DNAH11: variants seen among roughly 807,000 people sequenced by gnomAD.
DNAH11 encodes the protein axonemal beta dynein heavy chain 11.
DNAH11 carries 442 observed loss-of-function variants against 526.0 expected under a neutral mutation model. The ratio of observed to expected loss-of-function variants is 0.84; its 90% CI spans 0.78 to 0.91. The LOEUF is 0.91. DNAH11 is among the 40% of genes least tolerant of loss of function. DNAH11 has a pLI of 0.00. For synonymous variants in DNAH11, 2,461 were observed against 1,935.9 expected (o/e 1.27, Z -7.12); for missense variants, 6,989 against 5,448.7 (o/e 1.28, Z -8.90).
rs1207847336 is a variant in DNAH11 at position 21,854,551 on chromosome 7, C to G, written c.11202+96C>G. On this transcript the variant is annotated intron_variant, in intron 68 of 81. Transcript: ENST00000409508. ...ATTTTATTATTGATAATAATAATAA[C>G]TATTATTACTATTATTGAGACAGAG... is the stretch of plus-strand genomic sequence containing the variant. 5.1e-6 allele frequency: 6 copies of G among 1,184,240 alleles called. No homozygotes were observed. The African/African-American group carries it at 9.5e-5, about 19-fold the overall frequency. 73.4% of individuals were successfully genotyped at this position (1,184,240 alleles called of 1,614,324 possible).
At chr7:21,676,155 T>C (rs114780796) in intron 30 of DNAH11, among the ~76,000 whole-genome samples, 3 of 152,142 alleles carry the variant, frequency 2.0e-5, no homozygotes, top group Non-Finnish European at 4.4e-5. Flanking sequence ...TTACTCTAAG[T>C]TGGGCTTATT....
chr7:21,633,344 A>AAGTCC (rs1332424024), intron 25 of DNAH11, among the ~76,000 whole-genome samples: 1 of 152,208 alleles, frequency 6.6e-6, no homozygotes, highest in Non-Finnish European at 1.5e-5. Context: ...TAAGGTGTTC[A>AAGTCC]AGTCCACTGT....
At chr7:21,684,335 T>A (rs959508177) in intron 32 of DNAH11, among the ~76,000 whole-genome samples, 1 of 152,194 alleles carries the variant, frequency 6.6e-6, no homozygotes, top group Non-Finnish European at 1.5e-5. Context: ...AACATAGCAT[T>A]CATTAAATGA....
chr7:21,623,940 A>G (rs1447810627), intron 25 of DNAH11, among the ~76,000 whole-genome samples: 5 of 151,524 alleles, frequency 3.3e-5, no homozygotes, highest in African/African-American at 9.7e-5. Context: ...CATTGTGCAC[A>G]TGTACCCTAA....
chr7:21,731,697 A>G (rs148484052), intron 45 of DNAH11, among the ~76,000 whole-genome samples: 8 of 152,330 alleles, frequency 5.3e-5, no homozygotes, highest in Non-Finnish European at 8.8e-5. Flanking sequence ...TCAATGGAAT[A>G]TTCCAAAGAT....
At chr7:21,718,876 A>G (rs950724696) in intron 43 of DNAH11, among the ~76,000 whole-genome samples, 8 of 152,232 alleles carry the variant, frequency 5.3e-5, no homozygotes, top group Non-Finnish European at 1.0e-4. Context: ...TAATTCGCAC[A>G]CCAATTAAAT....
In DNAH11 at chr7:21,589,224, G is replaced by C; in HGVS notation, c.1990G>C (p.Asp664His). The C allele has an allele frequency of 6.2e-7, 1 of 1,604,566 alleles. No homozygotes were observed. The highest frequency in any genetic ancestry group is 8.5e-7 in the Non-Finnish European group (1 of 1,177,572). ...TTCCTACAGATTTTTGGGCAATCCTGATCACGCTTTAGTTTATCAAAAGTA... is the reference window on the plus strand; with the variant it reads ...TTCCTACAGATTTTTGGGCAATCCTCATCACGCTTTAGTTTATCAAAAGTA... The part of the protein sequence containing the change: ...SLRYLFLGNP[D>H]HALVYQKYVE... The change falls in exon 12 of 82, where the codon GAT becomes CAT. Residue 664 changes from aspartate to histidine, a missense_variant. Coordinates refer to ENST00000409508, the MANE Select transcript of DNAH11 (RefSeq NM_001277115.2).
At chr7:21,656,174 T>C (rs1244812866) in intron 29 of DNAH11, among the ~76,000 whole-genome samples, 193 bp downstream of exon 29, 2 of 152,182 alleles carry the variant, frequency 1.3e-5, no homozygotes, top group Non-Finnish European at 2.9e-5. Flanking sequence ...TTTCTACTCA[T>C]GTGGCTTTGG....
At chr7:21,802,074 C>T (rs1313316904) in intron 62 of DNAH11, among the ~76,000 whole-genome samples, 3 of 152,074 alleles carry the variant, frequency 2.0e-5, no homozygotes, top group Non-Finnish European at 4.4e-5. Flanking sequence ...ATAACGTTTC[C>T]CTTACAAGGT....
intron 14 of DNAH11, among the ~76,000 whole-genome samples, chr7:21,596,217 G>T (rs1784855409): frequency 6.6e-6 from 1 of 152,160 alleles, no homozygotes; most frequent in Non-Finnish European, 1.5e-5. Context: ...AGGCTGCCAT[G>T]ACAAGGTCCA....
At chr7:21,832,599 C>G (rs909170628) in intron 65 of DNAH11, among the ~76,000 whole-genome samples, 2 of 152,168 alleles carry the variant, frequency 1.3e-5, no homozygotes, top group Non-Finnish European at 2.9e-5. Context: ...TTCCTGATGA[C>G]TAGTCTCACA....
chr7:21,698,341 T>G, intron 36 of DNAH11, 128 bp downstream of exon 36: 1 of 1,338,700 alleles, frequency 7.5e-7, no homozygotes, highest in South Asian at 1.4e-5. Context: ...TTAAAAAAAT[T>G]CAATAGTTTG....
intron 36 of DNAH11, among the ~76,000 whole-genome samples, chr7:21,698,890 T>G (rs924361098): frequency 1.3e-5 from 2 of 152,180 alleles, no homozygotes; most frequent in Non-Finnish European, 2.9e-5. Flanking sequence ...TACCATTTCA[T>G]TTGACATTAG....
intron 68 of DNAH11, among the ~76,000 whole-genome samples, chr7:21,859,755 A>G (rs11765332): frequency 0.49 from 74,397 of 151,862 alleles, 20,940 homozygotes; most frequent in Non-Finnish European, 0.65. Context: ...ATATAGAGAG[A>G]TATAGCAATT....
chr7:21,810,811 A>T (rs980538795), intron 63 of DNAH11, among the ~76,000 whole-genome samples: 1 of 152,124 alleles, frequency 6.6e-6, no homozygotes, highest in African/African-American at 2.4e-5. Context: ...AAGAAATGGA[A>T]GGAGCATTTT....
At chr7:21,739,508 T>G in intron 47 of DNAH11, 63 bp from the exon 48 acceptor site, 1 of 1,258,394 alleles carries the variant, frequency 7.9e-7, no homozygotes, top group Non-Finnish European at 1.1e-6. Context: ...TTATGAACTG[T>G]TAGATTTTGC....
intron 28 of DNAH11, among the ~76,000 whole-genome samples, chr7:21,646,022 G>A (rs1787341691): frequency 4.6e-5 from 7 of 152,080 alleles, no homozygotes; most frequent in Admixed American, 3.9e-4. Context: ...GCTGCAAAGT[G>A]GGAAAAGGTG....
chr7:21,641,886 G>C (rs2128461108), intron 28 of DNAH11, among the ~76,000 whole-genome samples: 1 of 152,220 alleles, frequency 6.6e-6, no homozygotes, highest in African/African-American at 2.4e-5. Flanking sequence ...TGAATGACTA[G>C]ATTATATAAG....
intron 54 of DNAH11, among the ~76,000 whole-genome samples, chr7:21,762,698 A>C (rs1786974927): frequency 6.6e-6 from 1 of 152,222 alleles, no homozygotes; most frequent in Non-Finnish European, 1.5e-5. Flanking sequence ...AAAAATGTTA[A>C]ACCACATGCA....
Sources: allele counts gnomAD v4.1 joint callset (sites outside exome capture counted in the v4.1 genomes callset), GRCh38; gene constraint gnomAD v4.1.1; transcripts MANE v1.5; gene names NCBI Gene and HGNC (gene_info 2026-07-23, HGNC 2026-07-21).